UNC5D: variants seen among roughly 807,000 people sequenced by gnomAD.
The protein encoded by UNC5D is netrin receptor UNC5D.
UNC5D carries 39 observed loss-of-function variants against 105.4 expected under a neutral mutation model. The ratio of observed to expected loss-of-function variants is 0.37; its 90% CI spans 0.29 to 0.48. The LOEUF (loss-of-function observed/expected upper bound fraction) is 0.48. Ranked by LOEUF, UNC5D falls within the 20% of genes least tolerant of loss-of-function variation. The pLI is 0.98. For missense variants in UNC5D, 991 were observed against 1,202.4 expected (o/e 0.82, Z 2.60); for synonymous variants, 452 against 450.4 (o/e 1.00, Z -0.04).
intron 1 of UNC5D, among the ~76,000 whole-genome samples, chr8:35,305,849 C>T (rs1476830033): frequency 1.9e-5 from 2 of 104,224 alleles, no homozygotes; most frequent in African/African-American, 3.6e-5. Context: ...CTTCTTCCCT[C>T]CCCCTCCCTC....
chr8:35,433,667 T>C (rs1409452594), intron 1 of UNC5D, among the ~76,000 whole-genome samples: 1 of 151,804 alleles, frequency 6.6e-6, no homozygotes, highest in Admixed American at 6.6e-5. Flanking sequence ...AAACCATCAG[T>C]ACTCAAAGGC....
At chr8:35,562,373 T>C (rs916175487) in intron 2 of UNC5D, among the ~76,000 whole-genome samples, 30 of 152,190 alleles carry the variant, frequency 2.0e-4, no homozygotes, top group Non-Finnish European at 3.5e-4. Context: ...TTGAATCATA[T>C]GGAAGATATA....
At chr8:35,490,535 A>C (rs1395574347) in intron 1 of UNC5D, among the ~76,000 whole-genome samples, 2 of 152,164 alleles carry the variant, frequency 1.3e-5, no homozygotes, top group African/African-American at 4.8e-5. Flanking sequence ...TATAAAAAAA[A>C]AAATTAAAAA....
intron 13 of UNC5D, among the ~76,000 whole-genome samples, chr8:35,759,021 T>C (rs180741027): frequency 5.3e-5 from 8 of 152,276 alleles, no homozygotes; most frequent in African/African-American, 1.7e-4. Flanking sequence ...TACGATTTGC[T>C]TGGGGTCAGG....
chr8:35,749,250 A>T (rs1228982835), intron 12 of UNC5D, among the ~76,000 whole-genome samples: 1 of 152,158 alleles, frequency 6.6e-6, no homozygotes, highest in Non-Finnish European at 1.5e-5. Flanking sequence ...ACAGTAGGAG[A>T]CAAGGAAAGA....
intron 4 of UNC5D, among the ~76,000 whole-genome samples, chr8:35,596,309 A>G (rs1209228470): frequency 6.6e-6 from 1 of 152,158 alleles, no homozygotes; most frequent in African/African-American, 2.4e-5. Flanking sequence ...CTGGTAATGC[A>G]CTCTGGTCAT....
chr8:35,274,914 A>G (rs142660559), intron 1 of UNC5D, among the ~76,000 whole-genome samples: 7,529 of 151,760 alleles, frequency 0.05, 209 homozygotes, highest in African/African-American at 0.077. Flanking sequence ...ACATGGTGAA[A>G]CCCCGTCTCT....
intron 1 of UNC5D, among the ~76,000 whole-genome samples, chr8:35,292,591 A>T (rs1919351): frequency 0.82 from 124,772 of 152,200 alleles, 51,613 homozygotes; most frequent in East Asian, 1. Flanking sequence ...TTGTGTAATT[A>T]TGAATCCCGT....
chr8:35,245,015 A>C (rs941923682), intron 1 of UNC5D, among the ~76,000 whole-genome samples: 1 of 152,184 alleles, frequency 6.6e-6, no homozygotes, highest in African/African-American at 2.4e-5. Flanking sequence ...TGTCCCTCCA[A>C]AAAAATTAAT....
chr8:35,712,671 T>A (rs977465359), intron 8 of UNC5D, among the ~76,000 whole-genome samples: 7 of 152,202 alleles, frequency 4.6e-5, no homozygotes, highest in African/African-American at 1.7e-4. Flanking sequence ...TTCTTTATGA[T>A]CTTCACCAGG....
intron 11 of UNC5D, among the ~76,000 whole-genome samples, chr8:35,733,038 T>G (rs553916986): frequency 2.0e-5 from 3 of 152,154 alleles, no homozygotes; most frequent in East Asian, 3.9e-4. Flanking sequence ...CAGAAGAACC[T>G]TCTCTAACAC....
chr8:35,373,806 CT>C (rs984384889), intron 1 of UNC5D, among the ~76,000 whole-genome samples: 1 of 152,122 alleles, frequency 6.6e-6, no homozygotes, highest in African/African-American at 2.4e-5. Flanking sequence ...TTCATATTCA[CT>C]TTTTTTGTTA....
chr8:35,776,043 CTG>C (rs1460622567), intron 16 of UNC5D, among the ~76,000 whole-genome samples: 65 of 152,308 alleles, frequency 4.3e-4, no homozygotes, highest in African/African-American at 1.5e-3. Context: ...AACACCATGA[CTG>C]TGTCAATTTC....
At chr8:35,544,567 T>C in intron 1 of UNC5D, 1 of 1,538,364 alleles carries the variant, frequency 6.5e-7, no homozygotes, top group Non-Finnish European at 8.9e-7. Context: ...AAAAGGACAG[T>C]ACCAACCACA....
Position 35,726,227 on chromosome 8 carries a change from T to A in UNC5D, c.1379T>A (p.Leu460Gln), listed in dbSNP as rs759855388. Residue 460 changes from leucine (L) to glutamine (Q), a missense_variant, in exon 10 of 17, where the codon CTG becomes CAG. By Grantham distance (113) the Leu-to-Gln change is moderately radical. This residue lies in a region of UNC5D where 944 missense variants were observed against 1,131.6 expected (regional missense o/e 0.83). Transcript: ENST00000404895. ...CGGACATACAGCGGACCCATCTGTCTGCAGGACCCTCTGGACAAGGAGCTC... is the reference window on the plus strand; with the variant it reads ...CGGACATACAGCGGACCCATCTGTCAGCAGGACCCTCTGGACAAGGAGCTC... ...VSRTYSGPICLQDPLDKELMT... is the reference protein window; with the variant it reads ...VSRTYSGPICQQDPLDKELMT... 1 of 1,614,202 alleles carries A rather than the reference T, an allele frequency of 6.2e-7. No homozygotes were observed. The highest frequency in any genetic ancestry group is 1.1e-5 in the South Asian group (1 of 91,084).
intron 1 of UNC5D, among the ~76,000 whole-genome samples, chr8:35,295,057 A>C (rs1048276479): frequency 2.0e-5 from 3 of 152,186 alleles, no homozygotes; most frequent in Admixed American, 6.5e-5. Context: ...GCAACACTTG[A>C]GCTCACTACA....
intron 1 of UNC5D, among the ~76,000 whole-genome samples, chr8:35,523,650 A>G (rs1017375356): frequency 4.1e-5 from 6 of 146,424 alleles, no homozygotes; most frequent in African/African-American, 1.5e-4. Flanking sequence ...ATACTAAAAA[A>G]AAAATTTCAT....
rs577379655 is a variant in UNC5D, at chr8:35,392,956, T to A, written c.104-156336T>A. 4.6e-5 allele frequency among the ~76,000 whole-genome samples: 7 copies of A among 152,240 alleles called. 1 individual carries two copies. The highest frequency in any genetic ancestry group is 1.7e-4 in the African/African-American group (7 of 41,540). ...GGAATAAGGTTGGCTCTCAATAGGA[T>A]CTATTTGATAACATTCATATATTTT... On this transcript the variant is annotated intron_variant, in intron 1 of 16. Transcript: ENST00000404895.
intron 1 of UNC5D, among the ~76,000 whole-genome samples, chr8:35,319,475 T>G (rs1475170503): frequency 6.6e-6 from 1 of 152,152 alleles, no homozygotes; most frequent in Non-Finnish European, 1.5e-5. Context: ...TATTCCTTAA[T>G]AAGATGGTCT....
Sources: allele counts gnomAD v4.1 joint callset (sites outside exome capture counted in the v4.1 genomes callset), GRCh38; gene constraint gnomAD v4.1.1; regional missense constraint gnomAD v4.1.1; transcripts MANE v1.5; gene names NCBI Gene and HGNC (gene_info 2026-07-23, HGNC 2026-07-21).